The following PHIP variants were observed in gnomAD, a reference collection of about 807,000 sequenced individuals.
PHIP encodes the protein PH-interacting protein.
In PHIP, 54 loss-of-function variants were observed where a neutral mutation model predicts 236.8. The observed-to-expected ratio is 0.23, with a 90% confidence interval of 0.18 to 0.29. The LOEUF is 0.29. Among genes scored for constraint, PHIP ranks in the 10% least tolerant of loss-of-function variants. The pLI, the probability that PHIP is intolerant of heterozygous loss-of-function variation, is 1.00. For missense variants in PHIP, 1,370 were observed against 2,190.8 expected (o/e 0.63, Z 7.48); for synonymous variants, 756 against 718.9 (o/e 1.05, Z -0.83).
At chr6:78,968,122 GAGA>G (rs1562133315) in intron 27 of PHIP, among the ~76,000 whole-genome samples, 14 of 152,078 alleles carry the variant, frequency 9.2e-5, no homozygotes, top group Non-Finnish European at 2.1e-4. Flanking sequence ...GTGACAGAGC[GAGA>G]CTCCATCTCA....
intron 6 of PHIP, among the ~76,000 whole-genome samples, chr6:79,050,193 A>G (rs1772717666): frequency 6.6e-6 from 1 of 152,156 alleles, no homozygotes; most frequent in Non-Finnish European, 1.5e-5. Context: ...AATACATAAC[A>G]AGGAGAGGAA....
chr6:79,049,858 T>A (rs1461360637), intron 6 of PHIP, among the ~76,000 whole-genome samples: 2 of 152,186 alleles, frequency 1.3e-5, no homozygotes, highest in African/African-American at 4.8e-5. Context: ...ATTTCAGAAT[T>A]TCTATCAGAT....
At position 79,073,713 on chromosome 6, in the gene PHIP, C is replaced by A. The variant is rs1002349663; in HGVS notation, c.189+3735G>T. On this transcript the variant is annotated intron_variant, in intron 4 of 39. Transcript: ENST00000275034. ...TATTCATCTCTGAATTTGAGACCAA[C>A]AATAATGAAAACTAGTACTTAAACT... Among the ~76,000 whole-genome samples the A allele has an allele frequency of 5.9e-5, 9 of 151,966 alleles. No homozygotes were observed. The South Asian group carries it at 1.2e-3, about 21-fold the overall frequency.
intron 4 of PHIP, among the ~76,000 whole-genome samples, chr6:79,068,946 T>A (rs1466027793): frequency 1.3e-5 from 2 of 152,020 alleles, no homozygotes; most frequent in Non-Finnish European, 2.9e-5. Context: ...CACTTCATCC[T>A]TATGTTCTGA....
intron 7 of PHIP, among the ~76,000 whole-genome samples, chr6:79,032,073 T>G (rs1409195951): frequency 6.6e-6 from 1 of 152,196 alleles, no homozygotes; most frequent in Admixed American, 6.5e-5. Context: ...TATGCTGCAG[T>G]GTATTAAGTG....
At chr6:78,944,515 A>T (rs954310403) in intron 39 of PHIP, among the ~76,000 whole-genome samples, 1 of 152,086 alleles carries the variant, frequency 6.6e-6, no homozygotes, top group African/African-American at 2.4e-5. Flanking sequence ...TGGAGAGGAG[A>T]GAATAGATTT....
intron 24 of PHIP, among the ~76,000 whole-genome samples, chr6:78,971,703 T>C (rs568517110): frequency 2.2e-4 from 33 of 152,228 alleles, no homozygotes; most frequent in African/African-American, 7.0e-4. Flanking sequence ...GGGTGAGGCA[T>C]TGCCTCACTC....
chr6:79,044,825 C>T (rs1166214843), intron 6 of PHIP, among the ~76,000 whole-genome samples: 1 of 151,914 alleles, frequency 6.6e-6, no homozygotes, highest in African/African-American at 2.4e-5. Flanking sequence ...ATCTAAAAAT[C>T]GGAGATGATA....
At position 79,042,549 on chromosome 6, in the gene PHIP, G is replaced by T. The variant is rs559933758; in HGVS notation, c.600+294C>A. Among the ~76,000 whole-genome samples, 56 of 151,998 alleles carry T rather than the reference G, an allele frequency of 3.7e-4. 1 individual carries two copies. Among genetic ancestry groups the T allele is most frequent in the Admixed American group, 1.4e-3 (22 of 15,222 alleles). On this transcript the variant is annotated intron_variant, in intron 7 of 39. Coordinates refer to ENST00000275034, the MANE Select transcript of PHIP (RefSeq NM_017934.7). ...TAGTTCAAAATTAAAATTATTTTAT[G>T]CCATTTTGCAAAATGTCAAACTGTG...
intron 4 of PHIP, among the ~76,000 whole-genome samples, chr6:79,073,650 C>G (rs140482911): frequency 6.6e-6 from 1 of 151,750 alleles, no homozygotes; most frequent in South Asian, 2.1e-4. Flanking sequence ...AAATGTATAC[C>G]TAAGATATAT....
intron 39 of PHIP, among the ~76,000 whole-genome samples, chr6:78,942,930 A>C (rs777125283): frequency 6.6e-6 from 1 of 152,220 alleles, no homozygotes. Flanking sequence ...CTTAAAAAGG[A>C]ATTCAGAAGT....
rs911145299 is a variant in PHIP, at chr6:79,078,228, G to A, written c.-160C>T. The A allele has an allele frequency of 1.7e-5, 11 of 649,060 alleles. No individual in the cohort carries two copies. In the African/African-American group the frequency reaches 2.1e-4, roughly 12 times the overall value. 40.2% of individuals were successfully genotyped at this position (649,060 alleles called of 1,614,324 possible). On this transcript the variant is annotated 5_prime_UTR_variant, in exon 1 of 40. Transcript: ENST00000275034. ...CGGCGGAGGCGGAGGAGGAGGAGGAGGAAACAACAACTCTCAGGCAGCGAC... is the reference window on the plus strand; with the variant it reads ...CGGCGGAGGCGGAGGAGGAGGAGGAAGAAACAACAACTCTCAGGCAGCGAC...
At chr6:78,948,162 A>G (rs867733156) in intron 35 of PHIP, among the ~76,000 whole-genome samples, 1 of 152,224 alleles carries the variant, frequency 6.6e-6, no homozygotes, top group African/African-American at 2.4e-5. Context: ...TCATTAAAAC[A>G]CAACTGTAAC....
intron 7 of PHIP, among the ~76,000 whole-genome samples, chr6:79,031,417 T>G (rs1019593092): frequency 6.6e-6 from 1 of 152,196 alleles, no homozygotes; most frequent in African/African-American, 2.4e-5. Context: ...CAGGGTTTCT[T>G]TTTAAGTCAA....
At chr6:78,950,115 GTTCT>G (rs1439907860) in intron 35 of PHIP, among the ~76,000 whole-genome samples, 1 of 152,076 alleles carries the variant, frequency 6.6e-6, no homozygotes, top group Non-Finnish European at 1.5e-5. Context: ...TTTGTCAAAT[GTTCT>G]TTCTGGATTA....
chr6:79,060,685 A>G lies in PHIP; in HGVS notation c.323T>C (p.Leu108Ser). The G allele has an allele frequency of 6.2e-7, 1 of 1,612,810 alleles. No homozygotes were observed. Among genetic ancestry groups the G allele is most frequent in the Non-Finnish European group, 8.5e-7 (1 of 1,179,432 alleles). ...TTTCATACTTTTATTTGTGCGTAGTAAAGACTGTCTTCCAGCTCCTAATAA... is the reference window on the plus strand; with the variant it reads ...TTTCATACTTTTATTTGTGCGTAGTGAAGACTGTCTTCCAGCTCCTAATAA... ...QTLLGAGRQS[L>S]LRTNKSCKHV... The change falls in exon 5 of 40, where the codon TTA becomes TCA. Residue 108 changes from leucine (L) to serine (S), a missense_variant. Physicochemically the swap from Leu to Ser is moderately radical, Grantham distance 145. This residue lies in a region of PHIP where 82 missense variants were observed against 203.2 expected (regional missense o/e 0.40). Coordinates refer to ENST00000275034, the MANE Select transcript of PHIP (RefSeq NM_017934.7).
chr6:78,991,960 G>C (rs77459144), intron 19 of PHIP, among the ~76,000 whole-genome samples: 5,472 of 147,956 alleles, frequency 0.037, 100 homozygotes, highest in Middle Eastern at 0.061. Flanking sequence ...CCCCCAAATA[G>C]TAACTTTTTT....
intron 23 of PHIP, among the ~76,000 whole-genome samples, chr6:78,980,111 C>CA (rs1768412580): frequency 6.6e-6 from 1 of 151,910 alleles, no homozygotes; most frequent in Non-Finnish European, 1.5e-5. Context: ...CTGGATGCAT[C>CA]AAAACAAGGA....
chr6:79,033,992 TCA>T (rs1771801392), intron 7 of PHIP, among the ~76,000 whole-genome samples: 1 of 152,064 alleles, frequency 6.6e-6, no homozygotes, highest in Non-Finnish European at 1.5e-5. Flanking sequence ...CATGCAACAT[TCA>T]TTAAGTTCGC....
Sources: allele counts gnomAD v4.1 joint callset (sites outside exome capture counted in the v4.1 genomes callset), GRCh38; gene constraint gnomAD v4.1.1; regional missense constraint gnomAD v4.1.1; transcripts MANE v1.5; gene names NCBI Gene and HGNC (gene_info 2026-07-23, HGNC 2026-07-21).